The following KIRREL3 variants were observed in gnomAD, a reference collection of about 807,000 sequenced individuals.
KIRREL3 encodes kirre like nephrin family adhesion molecule 3.
A neutral mutation model predicts 89.7 loss-of-function variants in KIRREL3; 36 were observed. The observed-to-expected ratio is 0.40, with a 90% CI of 0.31 to 0.53. KIRREL3 has a LOEUF of 0.53. Ranked by LOEUF, KIRREL3 falls within the 20% of genes least tolerant of loss-of-function variation. KIRREL3 has a pLI of 0.49. For missense variants in KIRREL3, 864 were observed against 1,056.6 expected (o/e 0.82, Z 2.53); for synonymous variants, 445 against 441.4 (o/e 1.01, Z -0.10).
intron 5 of KIRREL3, among the ~76,000 whole-genome samples, chr11:126,465,160 C>T (rs1260531244): frequency 1.3e-5 from 2 of 152,132 alleles, no homozygotes; most frequent in African/African-American, 4.8e-5. Context: ...AGGAAGGAAC[C>T]TCACTATGGG....
rs1346899863 is a variant in KIRREL3 at position 126,651,532 on chromosome 11, T to C, written c.56-88620A>G. Among the ~76,000 whole-genome samples the C allele has an allele frequency of 6.6e-6, 1 of 152,228 alleles. No homozygotes were observed. Among genetic ancestry groups the C allele is most frequent in the Non-Finnish European group, 1.5e-5 (1 of 68,034 alleles). On this transcript the variant is annotated intron_variant, in intron 1 of 16. Transcript: ENST00000525144. The surrounding 1 kb of genome is among the most constrained non-coding windows in gnomAD (Gnocchi z 4.6). Reference sequence around the variant, plus strand: ...AGCCTAACTGGATCTTGGGAATAAATCTCTTATTTTGGTAGCACTTTCAAA... The same window carrying C: ...AGCCTAACTGGATCTTGGGAATAAACCTCTTATTTTGGTAGCACTTTCAAA...
intron 1 of KIRREL3, among the ~76,000 whole-genome samples, chr11:126,732,071 G>A (rs1948638229): frequency 1.3e-5 from 2 of 152,166 alleles, no homozygotes; most frequent in Admixed American, 1.3e-4. Flanking sequence ...CAGGAATGGG[G>A]GAGGGGTGTC....
At chr11:126,793,819 C>T (rs11220611) in intron 1 of KIRREL3, among the ~76,000 whole-genome samples, 2,016 of 152,296 alleles carry the variant, frequency 0.013, 33 homozygotes, top group African/African-American at 0.042. Context: ...GAAGAACTCG[C>T]GTTCCTCTGC....
chr11:126,841,623 GTTCCA>G (rs1943966085), intron 1 of KIRREL3, among the ~76,000 whole-genome samples: 1 of 152,212 alleles, frequency 6.6e-6, no homozygotes, highest in Non-Finnish European at 1.5e-5. Flanking sequence ...CCAGGACCAA[GTTCCA>G]TAAGTATTTG....
chr11:126,552,555 T>A (rs1453197583), intron 2 of KIRREL3, among the ~76,000 whole-genome samples: 1 of 73,144 alleles, frequency 1.4e-5, no homozygotes, highest in African/African-American at 6.5e-5. Context: ...GAAAAGTTTT[T>A]TTTTTTTTTT....
At chr11:126,718,626 C>T (rs1214804254) in intron 1 of KIRREL3, among the ~76,000 whole-genome samples, 2 of 152,224 alleles carry the variant, frequency 1.3e-5, no homozygotes, top group African/African-American at 4.8e-5. Flanking sequence ...CTAGCTTTAA[C>T]TTATTAAGGA....
At chr11:126,911,979 T>G in intron 1 of KIRREL3, among the ~76,000 whole-genome samples, 3 of 53,070 alleles carry the variant, frequency 5.7e-5, no homozygotes, top group South Asian at 1.1e-3. Context: ...CGAGACTCTG[T>G]CTCAAAAAAA....
intron 10 of KIRREL3, among the ~76,000 whole-genome samples, chr11:126,442,283 AC>A (rs1955601419): frequency 3.6e-5 from 4 of 111,138 alleles, no homozygotes; most frequent in East Asian, 4.7e-4. Context: ...CAAAAAAAAA[AC>A]AAAAAACCCA....
chr11:126,633,294 G>A (rs900327574), intron 1 of KIRREL3, among the ~76,000 whole-genome samples: 3 of 152,004 alleles, frequency 2.0e-5, no homozygotes, highest in African/African-American at 4.8e-5. Context: ...CATGGCACAC[G>A]TATCCCTATG....
intron 1 of KIRREL3, among the ~76,000 whole-genome samples, chr11:126,959,663 G>A (rs1003856723): frequency 1.3e-4 from 19 of 151,982 alleles, no homozygotes; most frequent in African/African-American, 4.1e-4. Context: ...ATGTTCTCCC[G>A]AATCAGCCTG....
In KIRREL3 at chr11:126,443,816, G is replaced by C. The variant is rs1955682809; in HGVS notation, c.1252+1163C>G. Among the ~76,000 whole-genome samples the C allele has an allele frequency of 2.0e-5, 3 of 152,130 alleles. No individual in the cohort carries two copies. The South Asian group carries it at 6.2e-4, about 32-fold the overall frequency. On this transcript the variant is annotated intron_variant, in intron 10 of 16. Coordinates refer to ENST00000525144, the MANE Select transcript of KIRREL3 (RefSeq NM_032531.4). The surrounding 1 kb of genome is among the most constrained non-coding windows in gnomAD (Gnocchi z 7.3). Reference sequence around the variant, plus strand: ...GCCAGGACCCAGATGTCCTGCAAATGTTGGTGGTTCAGTTCCTGCAGGGTC... The same window carrying C: ...GCCAGGACCCAGATGTCCTGCAAATCTTGGTGGTTCAGTTCCTGCAGGGTC...
rs959972126 is a variant in KIRREL3 at position 126,526,981 on chromosome 11, C to T, written c.134-294G>A. 7.2e-5 allele frequency among the ~76,000 whole-genome samples: 11 copies of T among 152,190 alleles called. No individual in the cohort carries two copies. Among genetic ancestry groups the T allele is most frequent in the African/African-American group, 2.2e-4 (9 of 41,444 alleles). Reference sequence around the variant, plus strand: ...GGGCCATCTCCCTCCACCTTTGGGACGTGCCACTTCCCATGCATTGGTGAG... The same window carrying T: ...GGGCCATCTCCCTCCACCTTTGGGATGTGCCACTTCCCATGCATTGGTGAG... On this transcript the variant is annotated intron_variant, in intron 2 of 16. Transcript: ENST00000525144. The surrounding 1 kb of genome is among the most constrained non-coding windows in gnomAD (Gnocchi z 5.7).
chr11:126,761,914 C>T lies in KIRREL3; in HGVS notation c.56-199002G>A, dbSNP rs190873465. On this transcript the variant is annotated intron_variant, in intron 1 of 16. Transcript: ENST00000525144. This position sits in a 1 kb window ranked among gnomAD's most constrained non-coding sequence, Gnocchi z 4.4. The stretch of plus-strand genomic sequence containing the variant: ...ATAGTTTGGGCTGGGTGAGGTGGCT[C>T]AAGCCTGTAATCCCAACACTTTGGG... Among the ~76,000 whole-genome samples, 1 of 152,274 alleles carries T rather than the reference C, an allele frequency of 6.6e-6. No homozygotes were observed.
intron 1 of KIRREL3, among the ~76,000 whole-genome samples, chr11:126,603,289 C>A (rs1222621311): frequency 6.6e-6 from 1 of 152,236 alleles, no homozygotes; most frequent in East Asian, 1.9e-4. Flanking sequence ...AGCCTCGGTG[C>A]CCTCCTGGCA....
In KIRREL3 at chr11:126,424,932, C is replaced by G. The variant is rs773312950; in HGVS notation, c.1985G>C (p.Arg662Pro). The G allele has an allele frequency of 6.2e-7, 1 of 1,601,694 alleles. No homozygotes were observed. Among genetic ancestry groups the G allele is most frequent in the Admixed American group, 1.7e-5 (1 of 59,512 alleles). Residue 662 changes from arginine (R) to proline (P), a missense_variant, in exon 17 of 17, where the codon CGT becomes CCT. Coordinates refer to ENST00000525144, the MANE Select transcript of KIRREL3 (RefSeq NM_032531.4). ...GGGCACACGCTGCTTGCCCGCAGGACGCAGGTCGGGCTGGCAGCTGGAGAG... is the reference window on the plus strand; with the variant it reads ...GGGCACACGCTGCTTGCCCGCAGGAGGCAGGTCGGGCTGGCAGCTGGAGAG... ...ISLSSCQPDLRPAGKQRVPTG... is the reference protein window; with the variant it reads ...ISLSSCQPDLPPAGKQRVPTG...
chr11:126,740,021 A>C lies in KIRREL3; in HGVS notation c.56-177109T>G, dbSNP rs1198238934. 1.3e-5 allele frequency among the ~76,000 whole-genome samples: 2 copies of C among 152,146 alleles called. No individual in the cohort carries two copies. Among genetic ancestry groups the C allele is most frequent in the Non-Finnish European group, 2.9e-5 (2 of 68,020 alleles). ...ACTCACTGGAGGGTAGGGTGTATGG[A>C]GGGAGGGGGCAGAGAAAGAAAGGAA... On this transcript the variant is annotated intron_variant, in intron 1 of 16. Coordinates refer to ENST00000525144, the MANE Select transcript of KIRREL3 (RefSeq NM_032531.4). This position sits in a 1 kb window ranked among gnomAD's most constrained non-coding sequence, Gnocchi z 6.0.
intron 7 of KIRREL3, among the ~76,000 whole-genome samples, chr11:126,449,951 C>T (rs867845163): frequency 1.3e-4 from 20 of 152,248 alleles, no homozygotes; most frequent in Non-Finnish European, 2.9e-5. Flanking sequence ...ATGGCTCCAT[C>T]AGCACTGGCT....
Position 126,484,829 on chromosome 11 carries a change from TTC to T in KIRREL3, c.434-11365_434-11364del, listed in dbSNP as rs201802184. 9.1e-3 allele frequency among the ~76,000 whole-genome samples: 1,346 copies of T among 147,992 alleles called. 21 individuals carry two copies. The highest frequency in any genetic ancestry group is 0.032 in the African/African-American group (1,204 of 37,906). The stretch of plus-strand genomic sequence containing the variant: ...GCAAATGGGATTTTTTTTTTTTTTT[TTC>T]TGAGACGGAGTCTCGCTCTTGTCAC... On this transcript the variant is annotated intron_variant, in intron 4 of 16. Transcript: ENST00000525144. The surrounding 1 kb of genome is among the most constrained non-coding windows in gnomAD (Gnocchi z 5.2).
rs1234639344 is a variant in KIRREL3, at chr11:126,814,727, G to A, written c.55+185728C>T. Among the ~76,000 whole-genome samples the A allele has an allele frequency of 1.3e-5, 2 of 152,274 alleles. No homozygotes were observed. Among genetic ancestry groups the A allele is most frequent in the South Asian group, 2.1e-4 (1 of 4,828 alleles). On this transcript the variant is annotated intron_variant, in intron 1 of 16. Coordinates refer to ENST00000525144, the MANE Select transcript of KIRREL3 (RefSeq NM_032531.4). The surrounding 1 kb of genome is among the most constrained non-coding windows in gnomAD (Gnocchi z 4.4). ...AGTAGGAGCTGAACAGTGAGAACAC[G>A]TGGACACAGGGAGGGGAACAACACA... is the stretch of plus-strand genomic sequence containing the variant.
Sources: allele counts gnomAD v4.1 joint callset (sites outside exome capture counted in the v4.1 genomes callset), GRCh38; gene constraint gnomAD v4.1.1; non-coding constraint Gnocchi (gnomAD v3.1); transcripts MANE v1.5; gene names NCBI Gene and HGNC (gene_info 2026-07-23, HGNC 2026-07-21).